The following SLC9B1 variants were observed in gnomAD, a reference collection of about 807,000 sequenced individuals.
SLC9B1 encodes the protein solute carrier family 9 member B1, also known as sodium/hydrogen exchanger 9B1.
Under a neutral mutation model 51.7 loss-of-function variants are expected in SLC9B1, and 32 were observed. The ratio of observed to expected loss-of-function variants is 0.62; its 90% confidence interval spans 0.47 to 0.83. SLC9B1 has a LOEUF of 0.83. SLC9B1 is among the 40% of genes least tolerant of loss of function. The pLI is 0.00. For synonymous variants in SLC9B1, 145 were observed against 212.7 expected (o/e 0.68, Z 2.77); for missense variants, 406 against 613.2 (o/e 0.66, Z 3.57).
At chr4:102,894,760 C>A (rs1029507275) in intron 11 of SLC9B1, among the ~76,000 whole-genome samples, 2 of 152,018 alleles carry the variant, frequency 1.3e-5, no homozygotes, top group African/African-American at 4.8e-5. Flanking sequence ...AGTTCAAAAC[C>A]AGCTTGGGCA....
At chr4:103,006,256 G>A (rs1026448644) in intron 1 of SLC9B1, among the ~76,000 whole-genome samples, 1 of 151,590 alleles carries the variant, frequency 6.6e-6, no homozygotes, top group East Asian at 1.9e-4. Context: ...TAAGACCACA[G>A]CTAGACTAAC....
At chr4:102,902,857 A>G (rs1156283206) in intron 11 of SLC9B1, among the ~76,000 whole-genome samples, 1 of 152,230 alleles carries the variant, frequency 6.6e-6, no homozygotes, top group East Asian at 1.9e-4. Context: ...TTTTATCAGT[A>G]ACTCGAAACT....
At position 102,959,208 on chromosome 4, in the gene SLC9B1, G is replaced by A. The variant is rs189967580; in HGVS notation, c.212-9781C>T. 7.3e-3 allele frequency among the ~76,000 whole-genome samples: 1,058 copies of A among 144,884 alleles called. 10 individuals carry two copies. Among genetic ancestry groups the A allele is most frequent in the South Asian group, 0.02 (92 of 4,600 alleles). Reference sequence around the variant, plus strand: ...CAAGCAGGTTGAATGTAAAAGGATAGGAGATTAGGAGACATACATATATAT... The same window carrying A: ...CAAGCAGGTTGAATGTAAAAGGATAAGAGATTAGGAGACATACATATATAT... On this transcript the variant is annotated intron_variant, in intron 3 of 11. Transcript: ENST00000296422.
intron 1 of SLC9B1, among the ~76,000 whole-genome samples, chr4:103,000,666 C>T (rs1474985236): frequency 6.6e-6 from 1 of 152,242 alleles, no homozygotes; most frequent in Non-Finnish European, 1.5e-5. Context: ...GACTCCATGT[C>T]TCACATCCAG....
At chr4:102,900,129 G>A (rs979583400), downstream of SLC9B1, among the ~76,000 whole-genome samples, 2 of 152,188 alleles carry the variant, frequency 1.3e-5, no homozygotes, top group African/African-American at 4.8e-5. Context: ...AAAGAGGAAT[G>A]AAAGTAATAT....
chr4:102,970,427 C>T (rs1449822268), intron 3 of SLC9B1, among the ~76,000 whole-genome samples: 1 of 152,180 alleles, frequency 6.6e-6, no homozygotes, highest in African/African-American at 2.4e-5. Flanking sequence ...CCTTTACAGA[C>T]AAGCAAATGC....
intron 8 of SLC9B1, 28 bp from the exon 9 acceptor site, chr4:102,910,616 A>T (rs764735562): frequency 1.9e-5 from 20 of 1,038,916 alleles, no homozygotes; most frequent in Non-Finnish European, 2.4e-5. Context: ...TTTAGAAATT[A>T]GTTTATATTA....
intron 3 of SLC9B1, among the ~76,000 whole-genome samples, chr4:102,969,022 A>G (rs1738593854): frequency 6.6e-6 from 1 of 152,224 alleles, no homozygotes; most frequent in Admixed American, 6.5e-5. Flanking sequence ...AGGTAAGCAA[A>G]GCAGCTGGGA....
intron 1 of SLC9B1, among the ~76,000 whole-genome samples, chr4:102,996,827 C>T (rs1031477508): frequency 6.6e-6 from 1 of 152,066 alleles, no homozygotes; most frequent in Non-Finnish European, 1.5e-5. Flanking sequence ...TCCTCTGTCA[C>T]CCAGGCTGGA....
At chr4:102,930,720 TA>T (rs1005407455) in intron 7 of SLC9B1, among the ~76,000 whole-genome samples, 2 of 152,100 alleles carry the variant, frequency 1.3e-5, no homozygotes, top group Admixed American at 1.3e-4. Flanking sequence ...ATTTTTTAAT[TA>T]AAAAAAATTT....
rs138826921 is a variant in SLC9B1, at chr4:102,972,000, T to G, written c.211+17800A>C. Among the ~76,000 whole-genome samples the G allele has an allele frequency of 6.9e-4, 105 of 152,094 alleles. 1 individual carries two copies. The East Asian group carries it at 0.018, about 27-fold the overall frequency. On this transcript the variant is annotated intron_variant, in intron 3 of 11. Coordinates refer to ENST00000296422, the MANE Select transcript of SLC9B1 (RefSeq NM_139173.4). ...CTCTGAAATTGAGGCAATAATTAAT[T>G]AGCCTACCAACAAAAAAAAGTCCAG...
chr4:102,896,024 G>C (rs149166643), downstream of SLC9B1, among the ~76,000 whole-genome samples: 30 of 152,248 alleles, frequency 2.0e-4, no homozygotes, highest in East Asian at 5.6e-3. Context: ...TAGGCATTTA[G>C]AGCCTGCCTG....
At chr4:102,932,367 T>C in intron 6 of SLC9B1, 68 bp from the exon 7 acceptor site, 1 of 1,290,710 alleles carries the variant, frequency 7.7e-7, no homozygotes, top group Non-Finnish European at 1.1e-6. Flanking sequence ...TAAGTACAAG[T>C]AGTTTATAAT....
chr4:102,999,266 G>A (rs1740392626), intron 1 of SLC9B1, among the ~76,000 whole-genome samples: 2 of 152,154 alleles, frequency 1.3e-5, no homozygotes, highest in African/African-American at 4.8e-5. Flanking sequence ...TCTGTTGATA[G>A]TGTCCTTTGT....
chr4:102,965,891 G>A (rs1200123938), intron 3 of SLC9B1, among the ~76,000 whole-genome samples: 1 of 152,192 alleles, frequency 6.6e-6, no homozygotes, highest in East Asian at 1.9e-4. Context: ...GAAGAAAGAG[G>A]TGACAGGCCT....
chr4:102,924,930 A>T lies in SLC9B1; in HGVS notation c.829+7194T>A, dbSNP rs146182583. ...ACAGGTGCTGGAGAGGTTATGGAGA[A>T]ATAGGAATGCTTTTACACTGTTGGT... On this transcript the variant is annotated intron_variant, in intron 7 of 11. Coordinates refer to ENST00000296422, the MANE Select transcript of SLC9B1 (RefSeq NM_139173.4). Among the ~76,000 whole-genome samples, 896 of 152,342 alleles carry T rather than the reference A, an allele frequency of 5.9e-3. 8 individuals carry two copies. Among genetic ancestry groups the T allele is most frequent in the Admixed American group, 0.012 (186 of 15,302 alleles).
At chr4:103,005,070 T>C (rs1740710389) in intron 1 of SLC9B1, among the ~76,000 whole-genome samples, 1 of 152,046 alleles carries the variant, frequency 6.6e-6, no homozygotes, top group South Asian at 2.1e-4. Context: ...GATGACAGAA[T>C]TAAATTTGCA....
chr4:103,019,537 G>A (rs189327253), intron 1 of SLC9B1, 62 bp downstream of exon 1: 72 of 975,612 alleles, frequency 7.4e-5, no homozygotes, highest in Non-Finnish European at 8.6e-5. Flanking sequence ...AAACGATCGC[G>A]GCAGACCCGG....
At chr4:102,893,890 A>G (rs1034432232) in intron 11 of SLC9B1, among the ~76,000 whole-genome samples, 57 of 152,310 alleles carry the variant, frequency 3.7e-4, no homozygotes, top group Non-Finnish European at 1.8e-4. Flanking sequence ...GCAAGTCTCC[A>G]TCTCAAAACA....
Sources: gnomAD v4.1 joint callset for allele counts (sites outside exome capture counted in the v4.1 genomes callset) on GRCh38, gnomAD v4.1.1 for gene constraint, MANE v1.5 for transcripts, NCBI Gene and HGNC (gene_info 2026-07-23, HGNC 2026-07-21) for gene names.